Variants in ZCCHC4 observed in about 807,000 individuals in gnomAD.
The protein encoded by ZCCHC4 is zinc finger CCHC-type containing 4.
A neutral mutation model predicts 67.7 loss-of-function variants in ZCCHC4; 54 were observed. The ratio of observed to expected loss-of-function variants is 0.80; its 90% confidence interval spans 0.64 to 1.00. ZCCHC4 has a LOEUF of 1.00. Ranked by LOEUF, ZCCHC4 falls within the 50% of genes least tolerant of loss-of-function variation. The probability of loss-of-function intolerance (pLI) is 0.00; values close to 1 mark genes in which losing one functional copy is unlikely to be tolerated. For synonymous variants in ZCCHC4, 198 were observed against 213.5 expected, an observed-to-expected ratio of 0.93 and a Z score of 0.63; for missense variants, 609 against 617.0, an observed-to-expected ratio of 0.99 and a Z score of 0.14.
At chr4:25,328,933 A>G (rs897490175) in intron 3 of ZCCHC4, among the ~76,000 whole-genome samples, 3 of 152,122 alleles carry the variant, frequency 2.0e-5, no homozygotes, top group Admixed American at 6.5e-5. Flanking sequence ...CTTGCCTATA[A>G]TCCCAAGACT....
chr4:25,365,352 G>T, intron 12 of ZCCHC4, 186 bp downstream of exon 12: 1 of 1,398,924 alleles, frequency 7.1e-7, no homozygotes, highest in Non-Finnish European at 9.3e-7. Flanking sequence ...TGCTTTCAAA[G>T]AGCTTACAGT....
chr4:25,313,634 G>A (rs1442078454), intron 1 of ZCCHC4, among the ~76,000 whole-genome samples: 2 of 152,198 alleles, frequency 1.3e-5, no homozygotes, highest in Non-Finnish European at 2.9e-5. Context: ...CCAGCACTTG[G>A]GGGGCCGAGG....
intron 3 of ZCCHC4, among the ~76,000 whole-genome samples, chr4:25,324,505 G>T (rs757057412): frequency 6.6e-6 from 1 of 152,058 alleles, no homozygotes; most frequent in East Asian, 1.9e-4. Flanking sequence ...GTAGAAAAAA[G>T]CTGCTATGAA....
In ZCCHC4 at chr4:25,312,885, G is replaced by C; in HGVS notation, c.76G>C (p.Glu26Gln). ...SAGCRGSSGM[E>Q]VVLPLDPAVP... ...AGGGTGCCGGGGAAGCTCGGGAATG[G>C]AGGTGGTGCTTCCTTTGGATCCTGC... Residue 26 changes from glutamate (E) to glutamine (Q), a missense_variant, in exon 1 of 13, where the codon GAG becomes CAG. Glu to Gln is a conservative substitution (Grantham distance 29). Transcript: ENST00000302874. The C allele has an allele frequency of 1.9e-6, 3 of 1,613,016 alleles. No homozygotes were observed. The highest frequency in any genetic ancestry group is 2.5e-6 in the Non-Finnish European group (3 of 1,180,012).
At chr4:25,318,871 C>G (rs1718421841) in intron 3 of ZCCHC4, among the ~76,000 whole-genome samples, 2 of 152,040 alleles carry the variant, frequency 1.3e-5, no homozygotes, top group African/African-American at 4.8e-5. Flanking sequence ...TTTTCAATAT[C>G]TTAAACCATC....
intron 12 of ZCCHC4, chr4:25,365,747 C>CA (rs1720915896): frequency 1.0e-6 from 1 of 985,506 alleles, no homozygotes; most frequent in Non-Finnish European, 1.2e-6. Context: ...GATTACAACT[C>CA]AGAGTATGGG....
At chr4:25,351,203 T>C (rs1720282794) in intron 7 of ZCCHC4, among the ~76,000 whole-genome samples, 2 of 152,244 alleles carry the variant, frequency 1.3e-5, no homozygotes, top group Admixed American at 6.5e-5. Context: ...GTGGCAGAGC[T>C]GGGATTCACA....
chr4:25,344,729 A>G (rs1719922614), intron 5 of ZCCHC4, among the ~76,000 whole-genome samples: 1 of 151,828 alleles, frequency 6.6e-6, no homozygotes, highest in Non-Finnish European at 1.5e-5. Context: ...TATGAAATGC[A>G]TATACTTTCT....
At chr4:25,313,040 C>T (rs573961269) in intron 1 of ZCCHC4, 104 bp downstream of exon 1, 2 of 1,483,522 alleles carry the variant, frequency 1.3e-6, no homozygotes, top group African/African-American at 1.4e-5. Context: ...CTCTTTCCCT[C>T]ACCAGTGTGC....
At chr4:25,355,085 G>A (rs1239949758) in intron 8 of ZCCHC4, among the ~76,000 whole-genome samples, 1 of 151,962 alleles carries the variant, frequency 6.6e-6, no homozygotes, top group African/African-American at 2.4e-5. Context: ...CAGTGATCAA[G>A]CACTTGATGA....
Position 25,341,014 on chromosome 4 carries a change from A to AT in ZCCHC4, c.687-4526dup, listed in dbSNP as rs199508293. ...TAAATAATATCGTCTCTTCCTTATG[A>AT]TTTTTTTTAATAGAAACGGGACTTG... On this transcript the variant is annotated intron_variant, in intron 5 of 12. Transcript: ENST00000302874. 5.7e-3 allele frequency among the ~76,000 whole-genome samples: 872 copies of AT among 151,878 alleles called. 12 individuals are homozygous for AT. Among genetic ancestry groups the AT allele is most frequent in the Middle Eastern group, 0.027 (8 of 294 alleles).
At chr4:25,350,638 A>G (rs59282816) in intron 7 of ZCCHC4, among the ~76,000 whole-genome samples, 243 of 152,244 alleles carry the variant, frequency 1.6e-3, no homozygotes, top group African/African-American at 5.7e-3. Flanking sequence ...CAAGTTGATA[A>G]ATTTGTTAAG....
In ZCCHC4 at chr4:25,354,690, ATC is replaced by A. The variant is rs372575261; in HGVS notation, c.1011+3007_1011+3008del. Among the ~76,000 whole-genome samples, 776 of 151,044 alleles carry A rather than the reference ATC, an allele frequency of 5.1e-3. 7 individuals carry two copies. The highest frequency in any genetic ancestry group is 0.018 in the African/African-American group (741 of 41,052). ...AATTTTTTTTTTAAATAGTGATGGG[ATC>A]TCTCTGTGTTGCCCAGGCTGGTCTC... On this transcript the variant is annotated intron_variant, in intron 8 of 12. Coordinates refer to ENST00000302874, the MANE Select transcript of ZCCHC4 (RefSeq NM_024936.3).
chr4:25,330,901 A>G (rs1719147703), intron 3 of ZCCHC4, among the ~76,000 whole-genome samples: 2 of 152,030 alleles, frequency 1.3e-5, no homozygotes, highest in South Asian at 4.1e-4. Context: ...GCTGCTCAGT[A>G]CTCAGCCGAA....
At chr4:25,313,042 C>A in intron 1 of ZCCHC4, 106 bp downstream of exon 1, 1 of 1,477,720 alleles carries the variant, frequency 6.8e-7, no homozygotes, top group Non-Finnish European at 9.1e-7. Context: ...CTTTCCCTCA[C>A]CAGTGTGCTG....
intron 3 of ZCCHC4, among the ~76,000 whole-genome samples, chr4:25,329,475 GT>G (rs1436725707): frequency 6.0e-4 from 55 of 91,224 alleles, no homozygotes; most frequent in East Asian, 1.9e-3. Flanking sequence ...AAGGTGTTTT[GT>G]TTTTTTTTTT....
At position 25,349,633 on chromosome 4, in the gene ZCCHC4, C is replaced by G; in HGVS notation, c.901C>G (p.Gln301Glu). The G allele has an allele frequency of 6.2e-7, 1 of 1,613,704 alleles. No individual in the cohort carries two copies. The highest frequency in any genetic ancestry group is 8.5e-7 in the Non-Finnish European group (1 of 1,179,798). The change falls in exon 7 of 13, where the codon CAA becomes GAA. Residue 301 changes from glutamine (Q) to glutamate (E), a missense_variant. Transcript: ENST00000302874. Reference protein sequence around the residue: ...KKLIAMWKEGQSQDDSHKELP... With the variant: ...KKLIAMWKEGESQDDSHKELP... ...GTTAATTGCTATGTGGAAAGAAGGT[C>G]AAAGCCAAGGTGTATAATTTATTAC...
rs753584671 is a variant in ZCCHC4 at position 25,312,875 on chromosome 4, C to G, written c.66C>G (p.Ser22Arg). 1 of 1,612,996 alleles carries G rather than the reference C, an allele frequency of 6.2e-7. No homozygotes were observed. The highest frequency in any genetic ancestry group is 1.7e-5 in the Admixed American group (1 of 60,024). ...EAEGSAGCRG[S>R]SGMEVVLPLD... Reference sequence around the variant, plus strand: ...AGGGCAGCGCAGGGTGCCGGGGAAGCTCGGGAATGGAGGTGGTGCTTCCTT... The same window carrying G: ...AGGGCAGCGCAGGGTGCCGGGGAAGGTCGGGAATGGAGGTGGTGCTTCCTT... Residue 22 changes from serine (S) to arginine (R), a missense_variant, in exon 1 of 13, where the codon AGC (serine) becomes AGG (arginine). Ser to Arg is a moderately radical substitution (Grantham distance 110). Transcript: ENST00000302874.
intron 5 of ZCCHC4, among the ~76,000 whole-genome samples, chr4:25,341,623 C>T (rs905700930): frequency 6.6e-6 from 1 of 152,168 alleles, no homozygotes; most frequent in Non-Finnish European, 1.5e-5. Flanking sequence ...TTATAAATTA[C>T]CCAATCTCAG....
Sources: gnomAD v4.1 joint callset for allele counts (sites outside exome capture counted in the v4.1 genomes callset) on GRCh38, gnomAD v4.1.1 for gene constraint, MANE v1.5 for transcripts, NCBI Gene and HGNC (gene_info 2026-07-23, HGNC 2026-07-21) for gene names.